The following TENM4 variants were observed in gnomAD, a reference collection of about 807,000 sequenced individuals.
TENM4 encodes teneurin-4.
In TENM4, 82 loss-of-function variants were observed where a neutral mutation model predicts 243.3. The ratio of observed to expected loss-of-function variants is 0.34; its 90% CI spans 0.28 to 0.40. The LOEUF (loss-of-function observed/expected upper bound fraction) is 0.40. TENM4 is among the 10% of genes least tolerant of loss of function. The probability of loss-of-function intolerance (pLI) is 1.00; values close to 1 mark genes in which losing one functional copy is unlikely to be tolerated. For synonymous variants in TENM4, 1,412 were observed against 1,456.3 expected (o/e 0.97, Z 0.69); for missense variants, 3,138 against 3,673.3 (o/e 0.85, Z 3.77).
intron 6 of TENM4, among the ~76,000 whole-genome samples, chr11:78,908,501 C>T (rs1428167876): frequency 6.6e-6 from 1 of 152,010 alleles, no homozygotes; most frequent in Non-Finnish European, 1.5e-5. Flanking sequence ...ACAGGGGTTC[C>T]AAAGCAAAAA....
intron 4 of TENM4, among the ~76,000 whole-genome samples, chr11:79,139,977 C>G (rs1325163152): frequency 6.6e-6 from 1 of 151,036 alleles, no homozygotes; most frequent in Non-Finnish European, 1.5e-5. Context: ...ATCTTTTATT[C>G]TGTCTCCTAG....
chr11:78,732,206 G>A (rs780277396), intron 21 of TENM4, 110 bp downstream of exon 21: 209 of 1,446,264 alleles, frequency 1.4e-4, no homozygotes, highest in Admixed American at 1.8e-4. Flanking sequence ...GATGGGACCT[G>A]ACCCAAGCCC....
intron 3 of TENM4, among the ~76,000 whole-genome samples, chr11:79,180,045 C>G (rs1448502691): frequency 6.6e-6 from 1 of 151,738 alleles, no homozygotes; most frequent in Admixed American, 6.6e-5. Context: ...GCAAATTGCC[C>G]TGCAGTTTTA....
chr11:78,698,934 CTTCT>C (rs1797303637), intron 28 of TENM4, among the ~76,000 whole-genome samples: 1 of 152,342 alleles, frequency 6.6e-6, no homozygotes, highest in East Asian at 1.9e-4. Flanking sequence ...AGGGATCTGA[CTTCT>C]TTCTTAGTTC....
At position 78,658,961 on chromosome 11, in the gene TENM4, T is replaced by G. The variant is rs371976945; in HGVS notation, c.7552-145A>C. ...AGCTCTACCGCTGACCACCAGAACA[T>G]CCAGGTGGTCGCCAGAAGGTCAGAA... On this transcript the variant is annotated intron_variant, in intron 33 of 33. Coordinates refer to ENST00000278550, the MANE Select transcript of TENM4 (RefSeq NM_001098816.3). 1.6e-5 allele frequency: 15 copies of G among 932,740 alleles called. No individual in the cohort carries two copies. In the East Asian group the frequency reaches 2.1e-4, roughly 13 times the overall value. The allele number at this position is 932,740 out of a possible 1,614,324, so 57.8% of individuals were successfully genotyped here. A position where few individuals can be genotyped will look rare whatever the true frequency, so the allele number is the denominator to read the frequency against.
At chr11:79,255,105 C>T (rs1201307450) in intron 2 of TENM4, among the ~76,000 whole-genome samples, 5 of 152,120 alleles carry the variant, frequency 3.3e-5, no homozygotes, top group Non-Finnish European at 2.9e-5. Context: ...TGGAATTCAC[C>T]GCAGAATTGG....
chr11:79,096,363 T>C (rs1176694718), intron 4 of TENM4: 1 of 152,216 alleles, frequency 6.6e-6, no homozygotes, highest in Non-Finnish European at 1.5e-5. Context: ...AGGAGATACA[T>C]TAGGATGATG....
At chr11:78,945,841 T>C (rs1408249709) in intron 6 of TENM4, among the ~76,000 whole-genome samples, 1 of 152,204 alleles carries the variant, frequency 6.6e-6, no homozygotes, top group Non-Finnish European at 1.5e-5. Flanking sequence ...AACCAAAGCC[T>C]AATCCAGAGC....
At chr11:78,961,367 T>C (rs1857317109) in intron 6 of TENM4, among the ~76,000 whole-genome samples, 1 of 152,188 alleles carries the variant, frequency 6.6e-6, no homozygotes, top group Non-Finnish European at 1.5e-5. Flanking sequence ...CTGACTGGCC[T>C]CTGCTGGACA....
intron 6 of TENM4, among the ~76,000 whole-genome samples, chr11:78,971,841 C>T (rs1047861058): frequency 6.6e-6 from 1 of 151,938 alleles, no homozygotes; most frequent in African/African-American, 2.4e-5. Flanking sequence ...AAATTAAATG[C>T]TTCCTTGTGT....
chr11:78,742,531 T>A (rs1855952921), intron 19 of TENM4, among the ~76,000 whole-genome samples: 1 of 152,170 alleles, frequency 6.6e-6, no homozygotes, highest in South Asian at 2.1e-4. Context: ...CCCGTGTAGT[T>A]TTCTCTGACA....
intron 11 of TENM4, 39 bp from the exon 12 acceptor site, chr11:78,854,353 T>G: frequency 6.9e-7 from 1 of 1,450,594 alleles, no homozygotes; most frequent in Non-Finnish European, 9.1e-7. Flanking sequence ...GTGGGTCTGT[T>G]CCACCACGCA....
intron 6 of TENM4, among the ~76,000 whole-genome samples, chr11:78,906,462 G>A (rs1443845281): frequency 6.6e-6 from 1 of 152,212 alleles, no homozygotes; most frequent in Non-Finnish European, 1.5e-5. Context: ...TGTGACTAAT[G>A]GGGACACCAG....
intron 1 of TENM4, among the ~76,000 whole-genome samples, chr11:79,300,216 A>G (rs1169520849): frequency 6.6e-6 from 1 of 152,204 alleles, no homozygotes; most frequent in Non-Finnish European, 1.5e-5. Flanking sequence ...CACCATCAAT[A>G]TGATTTTAGA....
At chr11:79,119,682 T>C (rs1861699963) in intron 4 of TENM4, among the ~76,000 whole-genome samples, 1 of 152,158 alleles carries the variant, frequency 6.6e-6, no homozygotes, top group Non-Finnish European at 1.5e-5. Flanking sequence ...ATCTCATTAG[T>C]GAACTGAAGC....
chr11:78,854,532 A>T (rs1224250452), intron 11 of TENM4, among the ~76,000 whole-genome samples: 1 of 152,170 alleles, frequency 6.6e-6, no homozygotes, highest in Non-Finnish European at 1.5e-5. Flanking sequence ...TGAGTGAGGC[A>T]TAATTAGAGG....
intron 28 of TENM4, among the ~76,000 whole-genome samples, chr11:78,699,902 G>A (rs766492530): frequency 9.8e-5 from 15 of 152,304 alleles, no homozygotes; most frequent in East Asian, 9.6e-4. Flanking sequence ...TAATGTATAA[G>A]AGATTTCCAT....
chr11:78,742,493 G>A (rs1855951933), intron 19 of TENM4, among the ~76,000 whole-genome samples: 1 of 152,172 alleles, frequency 6.6e-6, no homozygotes, highest in Non-Finnish European at 1.5e-5. Context: ...TTACTTGCTA[G>A]AGCTCACTAA....
intron 1 of TENM4, among the ~76,000 whole-genome samples, chr11:79,418,740 C>A (rs567049160): frequency 1.3e-5 from 2 of 152,222 alleles, no homozygotes; most frequent in Non-Finnish European, 2.9e-5. Flanking sequence ...AGAGGTGGCT[C>A]TTGTATGTCC....
Sources: allele counts gnomAD v4.1 joint callset (sites outside exome capture counted in the v4.1 genomes callset), GRCh38; gene constraint gnomAD v4.1.1; transcripts MANE v1.5; gene names NCBI Gene and HGNC (gene_info 2026-07-23, HGNC 2026-07-21).